Variants in TMEM181 observed in about 807,000 individuals in gnomAD.
The protein encoded by TMEM181 is transmembrane protein 181.
Under a neutral mutation model 71.9 loss-of-function variants are expected in TMEM181, and 39 were observed. That is an observed-to-expected ratio of 0.54 (90% CI 0.42 to 0.71). The LOEUF is 0.71. Among genes scored for constraint, TMEM181 ranks in the 30% least tolerant of loss-of-function variants. The probability of loss-of-function intolerance (pLI) is 0.00; values close to 1 mark genes in which losing one functional copy is unlikely to be tolerated. For synonymous variants in TMEM181, 245 were observed against 228.8 expected, an observed-to-expected ratio of 1.07 and a Z score of -0.64; for missense variants, 595 against 583.0, an observed-to-expected ratio of 1.02 and a Z score of -0.21.
chr6:158,547,719 C>T lies in TMEM181; in HGVS notation c.131+10854C>T, dbSNP rs558946356. Among the ~76,000 whole-genome samples, 338 of 152,010 alleles carry T rather than the reference C, an allele frequency of 2.2e-3. 5 individuals are homozygous for T. Among genetic ancestry groups the T allele is most frequent in the African/African-American group, 7.9e-3 (329 of 41,446 alleles). On this transcript the variant is annotated intron_variant, in intron 1 of 16. Coordinates refer to the TMEM181 transcript ENST00000367090. ...GATCTAGTTGACAGGCCCCCCAGGCCCCCTTGGTCCTGCCCATATCCACCT... is the reference window on the plus strand; with the variant it reads ...GATCTAGTTGACAGGCCCCCCAGGCTCCCTTGGTCCTGCCCATATCCACCT...
intron 1 of TMEM181, among the ~76,000 whole-genome samples, chr6:158,543,885 A>G (rs1487785039): frequency 6.6e-6 from 1 of 152,180 alleles, no homozygotes; most frequent in East Asian, 1.9e-4. Context: ...ATACAGGGCT[A>G]TGGATTTTGG....
chr6:158,611,499 G>T (rs546141058), intron 10 of TMEM181: 28 of 519,608 alleles, frequency 5.4e-5, no homozygotes, highest in African/African-American at 5.1e-4. Context: ...CTCAGCTTCA[G>T]TTGCAAATTA....
At chr6:158,625,245 G>A in intron 12 of TMEM181, 39 bp downstream of exon 12, 1 of 1,570,732 alleles carries the variant, frequency 6.4e-7, no homozygotes, top group Non-Finnish European at 8.8e-7. Context: ...GGGTGGCTTG[G>A]GAGTGACTCA....
Position 158,632,329 on chromosome 6 carries a change from AG to A in TMEM181, c.*444del, listed in dbSNP as rs1786710286. ...CTGTTTTGTGACCCTTTAAACTCAA[AG>A]GGAAGCCTTATCTGTGGCTGCTTCA... On this transcript the variant is annotated 3_prime_UTR_variant, in exon 17 of 17. Transcript: ENST00000684151. 2 of 182,334 alleles carry A rather than the reference AG, an allele frequency of 1.1e-5. No individual in the cohort carries two copies. Among genetic ancestry groups the A allele is most frequent in the African/African-American group, 4.7e-5 (2 of 42,186 alleles). 11.3% of individuals were successfully genotyped at this position (182,334 alleles called of 1,614,324 possible). A position where few individuals can be genotyped will look rare whatever the true frequency, so the allele number is the denominator to read the frequency against.
upstream of TMEM181, among the ~76,000 whole-genome samples, chr6:158,557,050 A>G (rs1401148524): frequency 6.6e-6 from 1 of 152,136 alleles, no homozygotes; most frequent in Non-Finnish European, 1.5e-5. Context: ...TGTTTTTAAT[A>G]CAAGTGACTC....
chr6:158,559,497 G>A (rs1203240362), upstream of TMEM181, among the ~76,000 whole-genome samples: 2 of 152,158 alleles, frequency 1.3e-5, no homozygotes, highest in African/African-American at 4.8e-5. Context: ...GCCAAACCTT[G>A]GTTCTCATCC....
intron 2 of TMEM181, among the ~76,000 whole-genome samples, chr6:158,580,095 C>G (rs1783388980): frequency 6.6e-6 from 1 of 152,180 alleles, no homozygotes; most frequent in Non-Finnish European, 1.5e-5. Flanking sequence ...CTTTGGGAGG[C>G]TGAGGTGGGC....
chr6:158,628,506 G>C lies in TMEM181; in HGVS notation c.1192+16G>C. 1 of 1,612,388 alleles carries C rather than the reference G, an allele frequency of 6.2e-7. No homozygotes were observed. The highest frequency in any genetic ancestry group is 8.5e-7 in the Non-Finnish European group (1 of 1,178,730). ...TACCAGAATTATATCCTTTTCACTG[G>C]AGGGCCCTGGCTGCAGGACGCCTGC... is the stretch of plus-strand genomic sequence containing the variant. On this transcript the variant is annotated intron_variant, in intron 14 of 16. Transcript: ENST00000684151.
At chr6:158,613,068 T>C (rs1785420357) in intron 10 of TMEM181, among the ~76,000 whole-genome samples, 2 of 152,216 alleles carry the variant, frequency 1.3e-5, no homozygotes, top group Admixed American at 1.3e-4. Flanking sequence ...TTTACATTGA[T>C]ATTTAGGACG....
intron 10 of TMEM181, among the ~76,000 whole-genome samples, chr6:158,617,510 C>T (rs1231661182): frequency 2.6e-5 from 4 of 151,942 alleles, no homozygotes; most frequent in Non-Finnish European, 5.9e-5. Flanking sequence ...TATTTCTTGC[C>T]TTCTGCTAGC....
chr6:158,563,944 AT>A (rs962212774), intron 1 of TMEM181, among the ~76,000 whole-genome samples: 4 of 151,936 alleles, frequency 2.6e-5, no homozygotes, highest in African/African-American at 7.3e-5. Context: ...ACCACACCTA[AT>A]TTTTGTATTT....
chr6:158,621,983 A>G lies in TMEM181; in HGVS notation c.897-1567A>G, dbSNP rs545997356. Among the ~76,000 whole-genome samples the G allele has an allele frequency of 2.0e-5, 3 of 152,236 alleles. No homozygotes were observed. The South Asian group carries it at 6.2e-4, about 32-fold the overall frequency. Reference sequence around the variant, plus strand: ...CCTGCCCTGGGCTGGAAGGGGCCCAAGCGCCCCTCAGAGCCAGCCGCACCC... The same window carrying G: ...CCTGCCCTGGGCTGGAAGGGGCCCAGGCGCCCCTCAGAGCCAGCCGCACCC... On this transcript the variant is annotated intron_variant, in intron 10 of 16. Transcript: ENST00000684151.
intron 6 of TMEM181, among the ~76,000 whole-genome samples, chr6:158,602,666 A>G (rs904801607): frequency 2.0e-5 from 3 of 151,848 alleles, no homozygotes; most frequent in South Asian, 2.1e-4. Flanking sequence ...GCTAGAGTGC[A>G]GTGAGATGAT....
intron 10 of TMEM181, 59 bp from the exon 11 acceptor site, chr6:158,623,489 ATG>A: frequency 8.5e-7 from 1 of 1,176,268 alleles, no homozygotes; most frequent in Non-Finnish European, 1.2e-6. Flanking sequence ...ATAAGAAAAA[ATG>A]TAAAATAAAA....
rs369652765 is a variant in TMEM181, at chr6:158,585,354, G to C, written c.310G>C (p.Ala104Pro). Residue 104 changes from alanine (A) to proline (P), a missense_variant, in exon 5 of 17, where the codon GCT (alanine) becomes CCT (proline). Coordinates refer to ENST00000684151, the MANE Select transcript of TMEM181 (RefSeq NM_001376852.1). ...CATGACTGTTAAAGTCGATGGTGTA[G>C]CTCAAGATGGAACCACGATGTACAT... ...FPMTVKVDGV[A>P]QDGTTMYIHN... is the part of the protein sequence containing the mutation. The C allele has an allele frequency of 4.8e-5, 77 of 1,611,698 alleles. No homozygotes were observed. Among genetic ancestry groups the C allele is most frequent in the Middle Eastern group, 3.3e-4 (2 of 6,068 alleles).
At chr6:158,569,639 C>T (rs1339020562) in intron 1 of TMEM181, among the ~76,000 whole-genome samples, 7 of 150,266 alleles carry the variant, frequency 4.7e-5, no homozygotes, top group Non-Finnish European at 7.4e-5. Context: ...CTTGCTCTGT[C>T]GCCCAGGCTG....
chr6:158,540,913 C>A (rs1420426281), intron 1 of TMEM181, among the ~76,000 whole-genome samples: 2 of 152,194 alleles, frequency 1.3e-5, no homozygotes, highest in East Asian at 3.8e-4. Flanking sequence ...CATGCACCAC[C>A]ATACCCAACT....
chr6:158,559,658 A>G (rs1393422811), upstream of TMEM181, among the ~76,000 whole-genome samples: 1 of 152,214 alleles, frequency 6.6e-6, no homozygotes, highest in Non-Finnish European at 1.5e-5. Flanking sequence ...TCGGGGTGGC[A>G]GAAGTTTGTC....
chr6:158,557,910 A>G (rs1781963293), upstream of TMEM181, among the ~76,000 whole-genome samples: 4 of 152,338 alleles, frequency 2.6e-5, no homozygotes, highest in African/African-American at 7.2e-5. Flanking sequence ...TCCAGAGCTG[A>G]GAGTTGTTCC....
Sources: allele counts gnomAD v4.1 joint callset (sites outside exome capture counted in the v4.1 genomes callset), GRCh38; gene constraint gnomAD v4.1.1; transcripts MANE v1.5; gene names NCBI Gene and HGNC (gene_info 2026-07-23, HGNC 2026-07-21).